DLGAP2: variants seen among roughly 807,000 people sequenced by gnomAD.
DLGAP2 encodes DLG associated protein 2.
Under a neutral mutation model 100.3 loss-of-function variants are expected in DLGAP2, and 26 were observed. The observed-to-expected ratio is 0.26, with a 90% CI of 0.19 to 0.36. The LOEUF is 0.36. DLGAP2 is among the 10% of genes least tolerant of loss of function. The probability of loss-of-function intolerance (pLI) is 1.00; values close to 1 mark genes in which losing one functional copy is unlikely to be tolerated. For synonymous variants in DLGAP2, 886 were observed against 630.1 expected, an observed-to-expected ratio of 1.41 and a Z score of -6.08; for missense variants, 1,858 against 1,453.2, an observed-to-expected ratio of 1.28 and a Z score of -4.53.
intron 3 of DLGAP2, among the ~76,000 whole-genome samples, chr8:1,386,784 T>C (rs1258916014): frequency 6.6e-6 from 1 of 151,776 alleles, no homozygotes. Context: ...GAAGGTGAGA[T>C]CCAAAGAAAA....
chr8:1,267,585 AAATAAGATAAGATAAG>A (rs1799485297), intron 3 of DLGAP2, among the ~76,000 whole-genome samples: 1 of 47,354 alleles, frequency 2.1e-5, no homozygotes, highest in African/African-American at 8.8e-5. Context: ...AAATAAAATA[AAATAAGATAAGATAAG>A]ATAAGATAAG....
At chr8:1,678,110 G>A in intron 11 of DLGAP2, 104 bp from the exon 12 acceptor site, 1 of 1,335,840 alleles carries the variant, frequency 7.5e-7, no homozygotes, top group Non-Finnish European at 1.0e-6. Flanking sequence ...TGAGCCGCCA[G>A]GCTGTTGAGC....
At chr8:1,462,909 C>G (rs1798501132) in intron 3 of DLGAP2, among the ~76,000 whole-genome samples, 1 of 152,220 alleles carries the variant, frequency 6.6e-6, no homozygotes, top group Non-Finnish European at 1.5e-5. Flanking sequence ...ATGGCTCAAA[C>G]ACATGTTGCC....
At chr8:899,371 C>T (rs911505928) in intron 1 of DLGAP2, among the ~76,000 whole-genome samples, 2 of 152,198 alleles carry the variant, frequency 1.3e-5, no homozygotes, top group Admixed American at 6.5e-5. Flanking sequence ...CTTCCCTGGG[C>T]CACGCTGCTG....
chr8:1,630,417 C>T (rs1420073305), intron 7 of DLGAP2, among the ~76,000 whole-genome samples: 1 of 152,058 alleles, frequency 6.6e-6, no homozygotes, highest in Non-Finnish European at 1.5e-5. Context: ...GAAAGTTTGC[C>T]CTTGGCCAGT....
At chr8:1,526,934 A>G (rs1474113928) in intron 4 of DLGAP2, among the ~76,000 whole-genome samples, 1 of 152,230 alleles carries the variant, frequency 6.6e-6, no homozygotes, top group African/African-American at 2.4e-5. Context: ...GCAAGAGCAA[A>G]GGAAACGTGG....
At chr8:1,251,934 C>G (rs991388574) in intron 2 of DLGAP2, among the ~76,000 whole-genome samples, 3 of 152,244 alleles carry the variant, frequency 2.0e-5, no homozygotes, top group Non-Finnish European at 2.9e-5. Flanking sequence ...TTCCCACAGT[C>G]ATGTTGTCCT....
At chr8:1,596,264 G>A (rs982694990) in intron 6 of DLGAP2, among the ~76,000 whole-genome samples, 1 of 152,118 alleles carries the variant, frequency 6.6e-6, no homozygotes, top group Non-Finnish European at 1.5e-5. Flanking sequence ...TCTTTATGCA[G>A]TTTATCATTG....
At chr8:1,346,779 G>T (rs1408375979) in intron 3 of DLGAP2, among the ~76,000 whole-genome samples, 2 of 146,464 alleles carry the variant, frequency 1.4e-5, no homozygotes, top group African/African-American at 5.1e-5. Context: ...TTCCTATACA[G>T]AACTGCTTTG....
At chr8:1,235,370 A>C (rs1405996575) in intron 2 of DLGAP2, among the ~76,000 whole-genome samples, 1 of 140,612 alleles carries the variant, frequency 7.1e-6, no homozygotes, top group Non-Finnish European at 1.5e-5. Context: ...CGTCGTGTCT[A>C]GTTCCCTCAC....
At chr8:752,955 T>G (rs780426757) in intron 1 of DLGAP2, among the ~76,000 whole-genome samples, 5 of 152,194 alleles carry the variant, frequency 3.3e-5, no homozygotes, top group Admixed American at 3.3e-4. Context: ...ATTATTATCA[T>G]GTGAAAAACG....
chr8:1,212,513 G>C (rs1798125626), intron 2 of DLGAP2, among the ~76,000 whole-genome samples: 2 of 152,184 alleles, frequency 1.3e-5, no homozygotes, highest in Admixed American at 6.5e-5. Flanking sequence ...ATAAAGAGAT[G>C]AGATAGATGA....
intron 2 of DLGAP2, among the ~76,000 whole-genome samples, chr8:1,171,149 C>T (rs1454089798): frequency 1.3e-5 from 2 of 152,128 alleles, no homozygotes; most frequent in Admixed American, 6.5e-5. Flanking sequence ...ACCCAGTAGT[C>T]CTTCAGGAGA....
intron 3 of DLGAP2, chr8:1,373,666 G>A (rs144422692): frequency 6.6e-6 from 1 of 152,254 alleles, no homozygotes; most frequent in Non-Finnish European, 1.5e-5. Flanking sequence ...CATCAGTGAA[G>A]TCCTTCCACA....
intron 1 of DLGAP2, among the ~76,000 whole-genome samples, chr8:810,833 A>G (rs1464501074): frequency 6.6e-6 from 1 of 152,222 alleles, no homozygotes; most frequent in African/African-American, 2.4e-5. Context: ...CTAGTTCAGT[A>G]ATGCAGTTAT....
intron 2 of DLGAP2, among the ~76,000 whole-genome samples, chr8:1,128,535 C>A (rs1221216151): frequency 1.3e-5 from 2 of 152,164 alleles, no homozygotes; most frequent in East Asian, 3.9e-4. Context: ...GGTGTGTAGC[C>A]CAGAAGCAAC....
At chr8:1,412,267 C>A (rs1433909228) in intron 3 of DLGAP2, among the ~76,000 whole-genome samples, 6 of 152,208 alleles carry the variant, frequency 3.9e-5, no homozygotes, top group Non-Finnish European at 8.8e-5. Flanking sequence ...CTAGACTCTG[C>A]AGCCTGCTTG....
At chr8:1,607,666 C>G (rs1028222499) in intron 6 of DLGAP2, among the ~76,000 whole-genome samples, 1 of 152,038 alleles carries the variant, frequency 6.6e-6, no homozygotes, top group Non-Finnish European at 1.5e-5. Context: ...ACAGTGGGCG[C>G]AGGCCAGTGG....
intron 2 of DLGAP2, among the ~76,000 whole-genome samples, chr8:1,195,395 G>T (rs749948359): frequency 6.6e-6 from 1 of 152,198 alleles, no homozygotes; most frequent in Non-Finnish European, 1.5e-5. Flanking sequence ...GAGGATATAT[G>T]TGTTATTAAT....
Sources: gnomAD v4.1 joint callset for allele counts (sites outside exome capture counted in the v4.1 genomes callset) on GRCh38, gnomAD v4.1.1 for gene constraint, MANE v1.5 for transcripts, NCBI Gene and HGNC (gene_info 2026-07-23, HGNC 2026-07-21) for gene names.